Variants in SYNPR observed in about 807,000 individuals in gnomAD.
SYNPR encodes synaptoporin.
In SYNPR, 23 loss-of-function variants were observed where a neutral mutation model predicts 32.9. That is an observed-to-expected ratio of 0.70 (90% CI 0.50 to 0.99). The LOEUF (loss-of-function observed/expected upper bound fraction) is 0.99, where lower values mean the gene tolerates loss of function less well. SYNPR is among the 50% of genes least tolerant of loss of function. The pLI is 0.00. For missense variants in SYNPR, 318 were observed against 349.3 expected (o/e 0.91, Z 0.71); for synonymous variants, 146 against 135.9 (o/e 1.07, Z -0.52).
At chr3:63,598,039 G>A (rs1575730654) in intron 4 of SYNPR, among the ~76,000 whole-genome samples, 1 of 152,290 alleles carries the variant, frequency 6.6e-6, no homozygotes, top group East Asian at 1.9e-4. Flanking sequence ...GTGACTCTCT[G>A]AACTGTCCAA....
intron 2 of SYNPR, among the ~76,000 whole-genome samples, chr3:63,352,493 A>C (rs1325912502): frequency 6.6e-6 from 1 of 152,196 alleles, no homozygotes; most frequent in Non-Finnish European, 1.5e-5. Context: ...GTCTACAAGC[A>C]ACAGAATTCA....
intron 2 of SYNPR, among the ~76,000 whole-genome samples, chr3:63,475,930 C>T (rs1271019166): frequency 1.3e-5 from 2 of 152,010 alleles, no homozygotes; most frequent in Non-Finnish European, 2.9e-5. Flanking sequence ...AATGGCCTCT[C>T]GAGCATCAGT....
intron 3 of SYNPR, among the ~76,000 whole-genome samples, chr3:63,511,302 G>T (rs545950242): frequency 6.6e-6 from 1 of 152,082 alleles, no homozygotes; most frequent in East Asian, 1.9e-4. Flanking sequence ...TTGTAAGAAA[G>T]AGGAGGAGTT....
intron 2 of SYNPR, among the ~76,000 whole-genome samples, chr3:63,390,642 C>T (rs2088120609): frequency 6.6e-6 from 1 of 152,222 alleles, no homozygotes; most frequent in African/African-American, 2.4e-5. Flanking sequence ...CCTAGGGCTT[C>T]GGGTTCCCCA....
At chr3:63,358,692 C>T (rs1416062172) in intron 2 of SYNPR, among the ~76,000 whole-genome samples, 1 of 151,924 alleles carries the variant, frequency 6.6e-6, no homozygotes. Flanking sequence ...TTAATTAGAA[C>T]TGAAGTTTAA....
intron 2 of SYNPR, among the ~76,000 whole-genome samples, chr3:63,448,088 C>T (rs1333987576): frequency 1.3e-5 from 2 of 152,156 alleles, no homozygotes; most frequent in African/African-American, 2.4e-5. Flanking sequence ...ACTGCAACCT[C>T]AGCCTCCCGG....
chr3:63,543,254 C>T (rs1339059981), intron 3 of SYNPR, among the ~76,000 whole-genome samples: 1 of 152,082 alleles, frequency 6.6e-6, no homozygotes, highest in African/African-American at 2.4e-5. Flanking sequence ...GAGTTTCAGA[C>T]ATTCCAAACT....
intron 3 of SYNPR, among the ~76,000 whole-genome samples, chr3:63,552,153 C>A (rs2106822277): frequency 6.6e-6 from 1 of 152,198 alleles, no homozygotes; most frequent in Middle Eastern, 3.4e-3. Context: ...CTGCCTCGGC[C>A]TCCCAAAGTG....
intron 3 of SYNPR, among the ~76,000 whole-genome samples, chr3:63,552,594 A>G (rs1983109): frequency 0.58 from 87,678 of 152,024 alleles, 26,308 homozygotes; most frequent in African/African-American, 0.75. Flanking sequence ...CTGTGAGCTA[A>G]GCATACCTCT....
intron 3 of SYNPR, among the ~76,000 whole-genome samples, chr3:63,519,573 A>G (rs1452509916): frequency 1.3e-5 from 2 of 152,144 alleles, no homozygotes; most frequent in East Asian, 1.9e-4. Flanking sequence ...AGCATCAGTG[A>G]TGCCTCTTCT....
chr3:63,352,316 A>G (rs2087520789), intron 2 of SYNPR, among the ~76,000 whole-genome samples: 1 of 152,210 alleles, frequency 6.6e-6, no homozygotes, highest in Non-Finnish European at 1.5e-5. Context: ...AAGTGAATAA[A>G]AGAATCTCCT....
chr3:63,234,714 A>G (rs943826372), intron 1 of SYNPR, among the ~76,000 whole-genome samples: 6 of 152,210 alleles, frequency 3.9e-5, no homozygotes, highest in African/African-American at 1.4e-4. Context: ...GCTTGCCTGT[A>G]GTCAGAGTTT....
chr3:63,443,191 C>G, intron 2 of SYNPR: 1 of 1,291,236 alleles, frequency 7.7e-7, no homozygotes, highest in South Asian at 1.9e-5. Context: ...TATCAGGTTC[C>G]TGTACTCAGC....
In SYNPR at chr3:63,472,320, G is replaced by A. The variant is rs144768832; in HGVS notation, c.85-8512G>A. On this transcript the variant is annotated intron_variant, in intron 2 of 5. Coordinates refer to ENST00000478300, the MANE Select transcript of SYNPR (RefSeq NM_001130003.2). ...ACTGCTTCACTTAGGAGTAGATCAT[G>A]TGACCTTGGACTTGCTGTTTAACCT... is the stretch of plus-strand genomic sequence containing the variant. Among the ~76,000 whole-genome samples, 930 of 152,294 alleles carry A rather than the reference G, an allele frequency of 6.1e-3. 11 individuals are homozygous for A. The highest frequency in any genetic ancestry group is 0.02 in the African/African-American group (837 of 41,556).
At chr3:63,428,122 A>T (rs1699924688) in intron 2 of SYNPR, among the ~76,000 whole-genome samples, 1 of 152,212 alleles carries the variant, frequency 6.6e-6, no homozygotes, top group Non-Finnish European at 1.5e-5. Context: ...GATATCTTCC[A>T]TTTATTGATT....
At chr3:63,485,377 A>G (rs1701127461) in intron 3 of SYNPR, among the ~76,000 whole-genome samples, 1 of 152,100 alleles carries the variant, frequency 6.6e-6, no homozygotes, top group Admixed American at 6.5e-5. Flanking sequence ...CAGAAATAAA[A>G]TAAAATATAA....
chr3:63,342,742 T>C (rs777342630), intron 2 of SYNPR, among the ~76,000 whole-genome samples: 1 of 152,180 alleles, frequency 6.6e-6, no homozygotes, highest in African/African-American at 2.4e-5. Context: ...CCATCTGGGA[T>C]TGGAGATTTC....
chr3:63,238,548 A>G (rs2086215550), intron 1 of SYNPR, among the ~76,000 whole-genome samples: 1 of 152,124 alleles, frequency 6.6e-6, no homozygotes, highest in South Asian at 2.1e-4. Flanking sequence ...GGAATGCAGA[A>G]ACACAGAACA....
intron 2 of SYNPR, among the ~76,000 whole-genome samples, chr3:63,260,517 T>G (rs2086429210): frequency 6.6e-6 from 1 of 152,132 alleles, no homozygotes; most frequent in African/African-American, 2.4e-5. Context: ...GGCTAGCCAT[T>G]ATGTAGAAAG....
Sources: gnomAD v4.1 joint callset for allele counts (sites outside exome capture counted in the v4.1 genomes callset) on GRCh38, gnomAD v4.1.1 for gene constraint, MANE v1.5 for transcripts, NCBI Gene and HGNC (gene_info 2026-07-23, HGNC 2026-07-21) for gene names.